SGCZ: variants seen among roughly 807,000 people sequenced by gnomAD.
The protein encoded by SGCZ is sarcoglycan zeta.
In SGCZ, 40 loss-of-function variants were observed where a neutral mutation model predicts 41.3. The ratio of observed to expected loss-of-function variants is 0.97; its 90% CI spans 0.75 to 1.26. The LOEUF (loss-of-function observed/expected upper bound fraction) is 1.26. Among genes scored for constraint, SGCZ ranks in the 50% most tolerant of loss-of-function variants. The pLI is 0.00. For synonymous variants in SGCZ, 206 were observed against 137.5 expected (o/e 1.50, Z -3.49); for missense variants, 552 against 369.8 (o/e 1.49, Z -4.04).
At chr8:14,971,673 C>T (rs1375824990) in intron 1 of SGCZ, among the ~76,000 whole-genome samples, 1 of 130,246 alleles carries the variant, frequency 7.7e-6, no homozygotes, top group Non-Finnish European at 1.6e-5. Flanking sequence ...TTTAATGCGA[C>T]GGAGTCCTGC....
At chr8:14,844,313 T>G (rs534734560) in intron 1 of SGCZ, among the ~76,000 whole-genome samples, 1 of 152,296 alleles carries the variant, frequency 6.6e-6, no homozygotes, top group Non-Finnish European at 1.5e-5. Context: ...CAACAGTAGA[T>G]TCTTTTCTTT....
intron 1 of SGCZ, among the ~76,000 whole-genome samples, chr8:14,711,594 T>C (rs1809518123): frequency 1.2e-5 from 1 of 82,464 alleles, no homozygotes; most frequent in Non-Finnish European, 2.4e-5. Context: ...AGAGTGAGAC[T>C]CTGTAAAAAA....
intron 1 of SGCZ, among the ~76,000 whole-genome samples, chr8:14,807,857 AGCATGATACT>A (rs1801596879): frequency 6.6e-6 from 1 of 152,226 alleles, no homozygotes; most frequent in African/African-American, 2.4e-5. Flanking sequence ...TAACCAAAAC[AGCATGATACT>A]GGTACCAAAA....
At chr8:14,372,645 T>C (rs1803955576) in intron 2 of SGCZ, among the ~76,000 whole-genome samples, 1 of 152,078 alleles carries the variant, frequency 6.6e-6, no homozygotes, top group Admixed American at 6.6e-5. Flanking sequence ...AACAAATAAC[T>C]GAAGAGGGCA....
chr8:15,139,317 G>T (rs1457813478), intron 1 of SGCZ, among the ~76,000 whole-genome samples: 1 of 152,176 alleles, frequency 6.6e-6, no homozygotes. Flanking sequence ...AGAGGACGGG[G>T]TATGTCTAAA....
intron 2 of SGCZ, among the ~76,000 whole-genome samples, chr8:14,506,335 T>G (rs1419231085): frequency 6.6e-6 from 1 of 152,168 alleles, no homozygotes; most frequent in Non-Finnish European, 1.5e-5. Context: ...AACCTCTCCA[T>G]TTGTACATTA....
chr8:15,193,893 G>A (rs1361959796), intron 1 of SGCZ, among the ~76,000 whole-genome samples: 2 of 151,862 alleles, frequency 1.3e-5, no homozygotes, highest in East Asian at 1.9e-4. Context: ...GGCAAAATAC[G>A]AGCAATTGCC....
At chr8:15,153,162 G>C (rs573187541) in intron 1 of SGCZ, among the ~76,000 whole-genome samples, 3 of 152,272 alleles carry the variant, frequency 2.0e-5, no homozygotes, top group South Asian at 4.2e-4. Flanking sequence ...ATGTACAGGA[G>C]ATAAATGAAT....
chr8:14,632,278 C>A (rs186841193), intron 1 of SGCZ, among the ~76,000 whole-genome samples: 60 of 152,174 alleles, frequency 3.9e-4, no homozygotes, highest in African/African-American at 1.3e-3. Flanking sequence ...CCACATCAGC[C>A]TCCCAAAGCA....
intron 1 of SGCZ, among the ~76,000 whole-genome samples, chr8:15,003,340 A>G (rs759768268): frequency 6.6e-6 from 1 of 152,136 alleles, no homozygotes; most frequent in Non-Finnish European, 1.5e-5. Flanking sequence ...TGTATAAATT[A>G]CTCAGTCTCA....
At chr8:14,202,091 C>T (rs1805473074) in intron 4 of SGCZ, among the ~76,000 whole-genome samples, 1 of 152,042 alleles carries the variant, frequency 6.6e-6, no homozygotes, top group African/African-American at 2.4e-5. Flanking sequence ...ACCGCCTGAC[C>T]TTAAAATAGG....
intron 2 of SGCZ, among the ~76,000 whole-genome samples, chr8:14,388,806 A>C (rs1047206905): frequency 6.6e-6 from 1 of 150,438 alleles, no homozygotes; most frequent in Non-Finnish European, 1.5e-5. Flanking sequence ...GTACTCCTGA[A>C]CTTAAAATAA....
intron 1 of SGCZ, among the ~76,000 whole-genome samples, chr8:14,587,489 A>G (rs1805098800): frequency 1.4e-5 from 2 of 147,976 alleles, no homozygotes; most frequent in South Asian, 4.3e-4. Context: ...TGGGCAACAC[A>G]GGGAGACCTG....
intron 3 of SGCZ, chr8:14,309,223 T>C (rs1405916037): frequency 4.0e-6 from 6 of 1,506,184 alleles, no homozygotes; most frequent in Non-Finnish European, 5.5e-6. Flanking sequence ...AGTTTGATAC[T>C]GTTGAAGACT....
intron 3 of SGCZ, among the ~76,000 whole-genome samples, chr8:14,310,536 G>C (rs1288745963): frequency 6.6e-6 from 1 of 151,738 alleles, no homozygotes; most frequent in South Asian, 2.1e-4. Context: ...TTAAGTTTTA[G>C]GGTACATGTG....
chr8:14,633,150 T>C (rs1806714631), intron 1 of SGCZ, among the ~76,000 whole-genome samples: 6 of 152,014 alleles, frequency 3.9e-5, no homozygotes, highest in Admixed American at 3.9e-4. Context: ...TGCATTAGCA[T>C]GTCATGAATA....
chr8:14,734,446 T>C (rs1417528309), intron 1 of SGCZ, among the ~76,000 whole-genome samples: 1 of 152,206 alleles, frequency 6.6e-6, no homozygotes, highest in Non-Finnish European at 1.5e-5. Flanking sequence ...CCGAAACTTT[T>C]ATAACAAAGT....
intron 1 of SGCZ, among the ~76,000 whole-genome samples, chr8:14,826,145 C>T (rs1802303039): frequency 6.8e-6 from 1 of 146,176 alleles, no homozygotes; most frequent in Non-Finnish European, 1.5e-5. Context: ...CATGCCTTCT[C>T]ATTGTTCAAT....
At position 14,085,725 on chromosome 8, in the gene SGCZ, A is replaced by C. The variant is rs1398910355; in HGVS notation, c.*4718T>G. ...ATGAATACCAAGGAGTTTGTTATGC[A>C]TGTATAAAAGAAAAGTGGACCACAC... On this transcript the variant is annotated 3_prime_UTR_variant, in exon 8 of 8. Coordinates refer to ENST00000382080, the MANE Select transcript of SGCZ (RefSeq NM_139167.4). Among the ~76,000 whole-genome samples the C allele has an allele frequency of 1.3e-5, 2 of 151,770 alleles. No individual in the cohort carries two copies. Among genetic ancestry groups the C allele is most frequent in the African/African-American group, 4.8e-5 (2 of 41,410 alleles).
Sources: gnomAD v4.1 joint callset for allele counts (sites outside exome capture counted in the v4.1 genomes callset) on GRCh38, gnomAD v4.1.1 for gene constraint, MANE v1.5 for transcripts, NCBI Gene and HGNC (gene_info 2026-07-23, HGNC 2026-07-21) for gene names.